Variants in NBAS observed in about 807,000 individuals in gnomAD.
NBAS encodes the protein NBAS subunit of NRZ tethering complex.
In NBAS, 219 loss-of-function variants were observed where a neutral mutation model predicts 302.5. The ratio of observed to expected loss-of-function variants is 0.72; its 90% CI spans 0.65 to 0.81. NBAS has a LOEUF of 0.81. Among genes scored for constraint, NBAS ranks in the 30% least tolerant of loss-of-function variants. The probability of loss-of-function intolerance (pLI) is 0.00; values close to 1 mark genes in which losing one functional copy is unlikely to be tolerated. For missense variants in NBAS, 2,932 were observed against 2,841.6 expected (o/e 1.03, Z -0.72); for synonymous variants, 1,118 against 1,021.6 (o/e 1.09, Z -1.80).
At chr2:15,273,060 C>T (rs1270597673) in intron 44 of NBAS, among the ~76,000 whole-genome samples, 4 of 152,158 alleles carry the variant, frequency 2.6e-5, no homozygotes, top group East Asian at 1.9e-4. Context: ...CACACGCTCA[C>T]GATTAGCAGA....
the NBAS span, among the ~76,000 whole-genome samples, chr2:14,959,322 AC>A: frequency 1.3e-5 from 2 of 152,106 alleles, no homozygotes. Flanking sequence ...CATCGTATTA[AC>A]CCTCTGGAGG....
At chr2:15,445,404 A>C (rs1208032078) in intron 21 of NBAS, among the ~76,000 whole-genome samples, 1 of 149,572 alleles carries the variant, frequency 6.7e-6, no homozygotes, top group Non-Finnish European at 1.5e-5. Flanking sequence ...CTATCGCAAG[A>C]ACAAAAATCC....
chr2:15,522,858 G>A (rs78082714), intron 9 of NBAS, among the ~76,000 whole-genome samples: 5 of 151,998 alleles, frequency 3.3e-5, no homozygotes, highest in South Asian at 2.1e-4. Flanking sequence ...CTATTAACAC[G>A]TTTTATATTT....
At chr2:15,310,562 C>T (rs1671227495) in intron 38 of NBAS, among the ~76,000 whole-genome samples, 1 of 152,180 alleles carries the variant, frequency 6.6e-6, no homozygotes, top group South Asian at 2.1e-4. Context: ...TAAAAAGACT[C>T]TAAACAAATA....
chr2:15,289,725 C>T (rs566856205), intron 41 of NBAS, among the ~76,000 whole-genome samples: 5 of 152,068 alleles, frequency 3.3e-5, no homozygotes, highest in African/African-American at 1.2e-4. Context: ...CAGCTGGGCG[C>T]GGTGGCTCAT....
the NBAS span, among the ~76,000 whole-genome samples, chr2:14,816,741 C>A: frequency 1.3e-5 from 2 of 152,320 alleles, no homozygotes; most frequent in South Asian, 4.1e-4. Context: ...TGCTTTACCT[C>A]GTGTCTGTCT....
At chr2:15,451,114 C>T (rs572690413) in intron 21 of NBAS, among the ~76,000 whole-genome samples, 4 of 152,098 alleles carry the variant, frequency 2.6e-5, no homozygotes, top group African/African-American at 4.8e-5. Context: ...TACAGTGGAG[C>T]GGTCACAGCT....
chr2:15,386,953 G>A (rs978060506), intron 28 of NBAS, among the ~76,000 whole-genome samples: 3 of 151,982 alleles, frequency 2.0e-5, no homozygotes, highest in Admixed American at 6.6e-5. Context: ...AGGGAGGTAC[G>A]ACATCTTTTT....
At chr2:14,988,574 A>G in the NBAS span, among the ~76,000 whole-genome samples, 1 of 152,222 alleles carries the variant, frequency 6.6e-6, no homozygotes, top group Non-Finnish European at 1.5e-5. Flanking sequence ...CAAGAAAATT[A>G]TAAGAAATAC....
chr2:15,302,397 C>T lies in NBAS; in HGVS notation c.4797+5819G>A, dbSNP rs77491308. Among the ~76,000 whole-genome samples, 660 of 152,254 alleles carry T rather than the reference C, an allele frequency of 4.3e-3. 7 individuals are homozygous for T. Among genetic ancestry groups the T allele is most frequent in the African/African-American group, 0.015 (622 of 41,542 alleles). On this transcript the variant is annotated intron_variant, in intron 40 of 51. Coordinates refer to ENST00000281513, the MANE Select transcript of NBAS (RefSeq NM_015909.4). ...TGGAGCAGCTGAAAGGTTAGAAATCCGGTGTTCAGGCATCATCACTGGGCC... is the reference window on the plus strand; with the variant it reads ...TGGAGCAGCTGAAAGGTTAGAAATCTGGTGTTCAGGCATCATCACTGGGCC...
chr2:15,406,113 AAACAAAAC>A lies in NBAS; in HGVS notation c.2938-3820_2938-3813del, dbSNP rs1438414136. ...ATATACAATAACATGTAAAAAAAAA[AAACAAAAC>A]AAAAAAACATGAGGAAAAAAACCCA... On this transcript the variant is annotated intron_variant, in intron 25 of 51. Coordinates refer to ENST00000281513, the MANE Select transcript of NBAS (RefSeq NM_015909.4). Among the ~76,000 whole-genome samples, 991 of 150,408 alleles carry A rather than the reference AAACAAAAC, an allele frequency of 6.6e-3. 10 individuals carry two copies. Among genetic ancestry groups the A allele is most frequent in the African/African-American group, 0.021 (842 of 41,038 alleles).
At chr2:15,419,712 T>C (rs1176158952) in intron 23 of NBAS, among the ~76,000 whole-genome samples, 1 of 151,698 alleles carries the variant, frequency 6.6e-6, no homozygotes, top group Non-Finnish European at 1.5e-5. Context: ...TGGTTGACGA[T>C]TTTTTTCTTT....
intron 38 of NBAS, among the ~76,000 whole-genome samples, chr2:15,314,484 C>T (rs1671420988): frequency 1.3e-5 from 2 of 152,152 alleles, no homozygotes; most frequent in South Asian, 2.1e-4. Flanking sequence ...GGTGAGTTTC[C>T]CATCTTTACA....
chr2:15,235,137 C>T (rs570995681), intron 45 of NBAS, among the ~76,000 whole-genome samples: 34 of 152,240 alleles, frequency 2.2e-4, no homozygotes, highest in Admixed American at 6.5e-4. Flanking sequence ...TAACGCACTA[C>T]GACCACATAA....
At chr2:15,472,213 T>C (rs1404158227) in intron 16 of NBAS, among the ~76,000 whole-genome samples, 6 of 152,192 alleles carry the variant, frequency 3.9e-5, no homozygotes, top group Non-Finnish European at 7.3e-5. Context: ...GAGGCTCTGC[T>C]TTCTAGTCCT....
the NBAS span, among the ~76,000 whole-genome samples, chr2:15,081,536 A>G: frequency 6.6e-6 from 1 of 152,160 alleles, no homozygotes; most frequent in African/African-American, 2.4e-5. Context: ...GGCTATCCCA[A>G]TGCCCACGAC....
intron 21 of NBAS, among the ~76,000 whole-genome samples, chr2:15,444,380 C>G (rs1331441346): frequency 1.3e-5 from 2 of 152,108 alleles, no homozygotes; most frequent in Non-Finnish European, 2.9e-5. Flanking sequence ...CTTTGATAAG[C>G]CTGAGAACAA....
the NBAS span, among the ~76,000 whole-genome samples, chr2:15,058,410 T>C: frequency 6.6e-6 from 1 of 152,216 alleles, no homozygotes; most frequent in Admixed American, 6.5e-5. Context: ...AGAAACCCTA[T>C]AATTTATTAT....
At chr2:15,230,272 C>T (rs1667325470) in intron 47 of NBAS, among the ~76,000 whole-genome samples, 1 of 151,946 alleles carries the variant, frequency 6.6e-6, no homozygotes, top group African/African-American at 2.4e-5. Flanking sequence ...GATGATTCTG[C>T]CAGGTGCATT....
Sources: gnomAD v4.1 joint callset for allele counts (sites outside exome capture counted in the v4.1 genomes callset) on GRCh38, gnomAD v4.1.1 for gene constraint, MANE v1.5 for transcripts, NCBI Gene and HGNC (gene_info 2026-07-23, HGNC 2026-07-21) for gene names.